Variants in DGKI observed in about 807,000 individuals in gnomAD.
DGKI encodes the protein DAG kinase iota.
A neutral mutation model predicts 147.5 loss-of-function variants in DGKI; 55 were observed. That is an observed-to-expected ratio of 0.37 (90% CI 0.30 to 0.47). The LOEUF is 0.47. Ranked by LOEUF, DGKI falls within the 20% of genes least tolerant of loss-of-function variation. The pLI, the probability that DGKI is intolerant of heterozygous loss-of-function variation, is 1.00. For synonymous variants in DGKI, 469 were observed against 477.1 expected (o/e 0.98, Z 0.22); for missense variants, 1,007 against 1,323.8 (o/e 0.76, Z 3.71).
In DGKI at chr7:137,466,960, C is replaced by T; in HGVS notation, c.2444-18G>A. ...AGAAGTTGCTAGGGGAAAAAAAATGCAGATGGCATTCAGAATGTTCTGTAA... is the reference window on the plus strand; with the variant it reads ...AGAAGTTGCTAGGGGAAAAAAAATGTAGATGGCATTCAGAATGTTCTGTAA... On this transcript the variant is annotated intron_variant, in intron 24 of 32. Transcript: ENST00000614521. 1.2e-6 allele frequency: 2 copies of T among 1,613,714 alleles called. No homozygotes were observed. The highest frequency in any genetic ancestry group is 8.5e-7 in the Non-Finnish European group (1 of 1,179,666).
At chr7:137,600,356 G>A (rs939308100) in intron 10 of DGKI, among the ~76,000 whole-genome samples, 2 of 152,188 alleles carry the variant, frequency 1.3e-5, no homozygotes, top group African/African-American at 4.8e-5. Flanking sequence ...GTCATGGATA[G>A]CCATAGGTTG....
At chr7:137,545,003 G>T (rs981545099) in intron 20 of DGKI, among the ~76,000 whole-genome samples, 4 of 152,178 alleles carry the variant, frequency 2.6e-5, no homozygotes, top group African/African-American at 9.7e-5. Context: ...GATCCTGACA[G>T]ACGAAAGGCA....
chr7:137,638,462 GTGTGTA>G (rs1821420762), intron 6 of DGKI, among the ~76,000 whole-genome samples: 1 of 19,728 alleles, frequency 5.1e-5, no homozygotes, highest in Non-Finnish European at 1.3e-4. Context: ...ACATATATAT[GTGTGTA>G]TATATGTGTG....
chr7:137,438,404 C>A (rs190851268), intron 28 of DGKI, among the ~76,000 whole-genome samples: 2 of 152,036 alleles, frequency 1.3e-5, no homozygotes, highest in African/African-American at 4.8e-5. Flanking sequence ...ACAAGACTAG[C>A]AAACATTTTT....
intron 28 of DGKI, among the ~76,000 whole-genome samples, chr7:137,427,797 C>T (rs968912430): frequency 6.6e-6 from 1 of 152,178 alleles, no homozygotes; most frequent in African/African-American, 2.4e-5. Flanking sequence ...ACTAGAATAC[C>T]TAGAAGAAAT....
chr7:137,619,777 C>T (rs1448982216), intron 8 of DGKI, 47 bp downstream of exon 8: 8 of 1,448,284 alleles, frequency 5.5e-6, no homozygotes, highest in Admixed American at 1.7e-5. Context: ...AGCAGCAGTT[C>T]ATTTTTCTCT....
intron 6 of DGKI, among the ~76,000 whole-genome samples, chr7:137,635,473 C>T (rs1821276405): frequency 6.6e-6 from 1 of 152,162 alleles, no homozygotes; most frequent in African/African-American, 2.4e-5. Context: ...TCTTCAGGGC[C>T]TCAGTCAGCA....
intron 1 of DGKI, among the ~76,000 whole-genome samples, chr7:137,790,071 T>C (rs1796803671): frequency 6.6e-6 from 1 of 152,206 alleles, no homozygotes; most frequent in South Asian, 2.1e-4. Flanking sequence ...ACTCTGTCAC[T>C]GTAGCACAAA....
At chr7:137,441,669 T>C (rs1190313370) in intron 28 of DGKI, among the ~76,000 whole-genome samples, 1 of 152,208 alleles carries the variant, frequency 6.6e-6, no homozygotes, top group Non-Finnish European at 1.5e-5. Context: ...GAATAAGTTC[T>C]TGTCTTAGAG....
rs191614547 is a variant in DGKI, at chr7:137,678,809, C to T, written c.511-157G>A. Among the ~76,000 whole-genome samples, 6 of 152,142 alleles carry T rather than the reference C, an allele frequency of 3.9e-5. No homozygotes were observed. In the East Asian group the frequency reaches 1.2e-3, roughly 29 times the overall value. On this transcript the variant is annotated intron_variant, in intron 2 of 32. Transcript: ENST00000614521. ...AAAGTACTGCTAGAGTTGATTCTCC[C>T]GAAATTCTAAAAAGGGAGAAAGGTG...
chr7:137,470,456 A>G (rs1429006828), intron 23 of DGKI, among the ~76,000 whole-genome samples: 1 of 152,200 alleles, frequency 6.6e-6, no homozygotes, highest in Non-Finnish European at 1.5e-5. Context: ...TTTCTGTAGC[A>G]TTATTAAAAT....
At chr7:137,797,254 T>C (rs1470657357) in intron 1 of DGKI, among the ~76,000 whole-genome samples, 1 of 152,130 alleles carries the variant, frequency 6.6e-6, no homozygotes, top group Non-Finnish European at 1.5e-5. Flanking sequence ...AATCAAACAC[T>C]GAGAGAACCC....
intron 1 of DGKI, among the ~76,000 whole-genome samples, chr7:137,707,253 T>C (rs183899253): frequency 6.6e-6 from 1 of 152,324 alleles, no homozygotes; most frequent in African/African-American, 2.4e-5. Flanking sequence ...CTCTAGCATT[T>C]TGGAAGAAGG....
chr7:137,783,691 CCAGA>C (rs1796586486), intron 1 of DGKI, among the ~76,000 whole-genome samples: 1 of 152,176 alleles, frequency 6.6e-6, no homozygotes, highest in Non-Finnish European at 1.5e-5. Context: ...TATCCAAAGT[CCAGA>C]CAAAGGAAAG....
At chr7:137,515,066 G>C (rs1020781516) in intron 21 of DGKI, among the ~76,000 whole-genome samples, 17 of 152,208 alleles carry the variant, frequency 1.1e-4, no homozygotes, top group African/African-American at 4.1e-4. Context: ...GGACATCCCT[G>C]ACATTCATTA....
intron 30 of DGKI, among the ~76,000 whole-genome samples, chr7:137,403,428 CTTG>C (rs1378882264): frequency 6.6e-6 from 1 of 152,178 alleles, no homozygotes; most frequent in Non-Finnish European, 1.5e-5. Context: ...TCAGTTGCTG[CTTG>C]TTGTGTCTGG....
chr7:137,412,393 C>T (rs531569381), intron 28 of DGKI, among the ~76,000 whole-genome samples, 186 bp from the exon 29 acceptor site: 2 of 152,276 alleles, frequency 1.3e-5, no homozygotes, highest in East Asian at 1.9e-4. Context: ...ACCCATTCCA[C>T]GCACCCTTCT....
chr7:137,788,329 A>C (rs1022880871), intron 1 of DGKI, among the ~76,000 whole-genome samples: 1 of 151,922 alleles, frequency 6.6e-6, no homozygotes, highest in Non-Finnish European at 1.5e-5. Flanking sequence ...GAATCTTGCC[A>C]TTTTTACAAG....
chr7:137,702,357 T>C (rs1774038902), intron 1 of DGKI, among the ~76,000 whole-genome samples: 1 of 152,152 alleles, frequency 6.6e-6, no homozygotes, highest in African/African-American at 2.4e-5. Flanking sequence ...TGTCAAGCAA[T>C]ACTTCTACTT....
Sources: allele counts gnomAD v4.1 joint callset (sites outside exome capture counted in the v4.1 genomes callset), GRCh38; gene constraint gnomAD v4.1.1; transcripts MANE v1.5; gene names NCBI Gene and HGNC (gene_info 2026-07-23, HGNC 2026-07-21).